The following PRODH2 variants were observed in gnomAD, a reference collection of about 807,000 sequenced individuals.
The protein encoded by PRODH2 is proline dehydrogenase 2.
PRODH2 carries 49 observed loss-of-function variants against 51.9 expected under a neutral mutation model. That is an observed-to-expected ratio of 0.94 (90% CI 0.75 to 1.20). The LOEUF is 1.20. Among genes scored for constraint, PRODH2 ranks in the 50% most tolerant of loss-of-function variants. The pLI is 0.00. For synonymous variants in PRODH2, 249 were observed against 260.7 expected (o/e 0.96, Z 0.43); for missense variants, 597 against 610.9 (o/e 0.98, Z 0.24).
intron 4 of PRODH2, among the ~76,000 whole-genome samples, chr19:35,807,590 A>C (rs1329193770): frequency 6.6e-6 from 1 of 151,852 alleles, no homozygotes; most frequent in Middle Eastern, 3.2e-3. Flanking sequence ...GGTGTGAGCC[A>C]CCGTGCTCAG....
chr19:35,806,923 A>G lies in PRODH2; in HGVS notation c.679-93T>C. The G allele has an allele frequency of 1.9e-6, 3 of 1,545,386 alleles. No individual in the cohort carries two copies. In the Admixed American group the frequency reaches 5.9e-5, roughly 30 times the overall value. On this transcript the variant is annotated intron_variant, in intron 5 of 9. Coordinates refer to ENST00000653904, the MANE Select transcript of PRODH2 (RefSeq NM_021232.2). The stretch of plus-strand genomic sequence containing the variant: ...CAGGAGGGGTTACCTGTGCCACCCG[A>G]TGCAGGCGGCTGAGGGAGGCCCGGA...
In PRODH2 at chr19:35,803,034, T is replaced by TGGCGGGCCAC; in HGVS notation, c.1036_1045dup (p.His349ArgfsTer17). 1 of 1,573,336 alleles carries TGGCGGGCCAC rather than the reference T, an allele frequency of 6.4e-7. No homozygotes were observed. ...CACCATGAGGTGGCACATGGGGCCA[T>TGGCGGGCCAC]GGCGGGCCACGTGCGTCAGCATCAG... On this transcript the variant is annotated frameshift_variant, in exon 8 of 10. Transcript: ENST00000653904. LOFTEE classifies it high-confidence loss of function.
At chr19:35,802,456 TC>T in intron 8 of PRODH2, 180 bp from the exon 9 acceptor site, 1 of 643,832 alleles carries the variant, frequency 1.6e-6, no homozygotes. Context: ...CCCAGCCAGT[TC>T]CCTGGAGCCC....
At chr19:35,809,685 G>A (rs189772257) in intron 4 of PRODH2, among the ~76,000 whole-genome samples, 33 of 152,078 alleles carry the variant, frequency 2.2e-4, no homozygotes, top group Middle Eastern at 3.2e-3. Flanking sequence ...ATAAGGCCAG[G>A]TACAGTGGCT....
In PRODH2 at chr19:35,812,162, AC is replaced by A; in HGVS notation, c.481del (p.Val161Ter). 1 of 1,614,130 alleles carries A rather than the reference AC, an allele frequency of 6.2e-7. No homozygotes were observed. Among genetic ancestry groups the A allele is most frequent in the Non-Finnish European group, 8.5e-7 (1 of 1,180,018 alleles). On this transcript the variant is annotated frameshift_variant, in exon 3 of 10. Transcript: ENST00000653904. LOFTEE classifies it high-confidence loss of function. Reference protein sequence around the residue: ...LAEASLMQLKVTALTSTRLCK... With the variant: ...LAEASLMQLKXTALTSTRLCK... ...GAGCCGAGTACTGGTCAGCGCCGTC[AC>A]CTTCAGCTGCATGAGGCTGGCCTCA...
chr19:35,812,641 G>C lies in PRODH2; in HGVS notation c.165C>G (p.His55Gln), dbSNP rs145370717. The change falls in exon 1 of 10, where the codon CAC becomes CAG. Residue 55 changes from histidine to glutamine, a missense_variant. Coordinates refer to ENST00000653904, the MANE Select transcript of PRODH2 (RefSeq NM_021232.2). ...CAGGATCACTGCTCACCAACAGCCC[G>C]TGAGTGACGAGTGGGGGCCAGGCAC... ...RLCAWPPLVT[H>Q]GLLLQAWSRR... 4 of 1,592,958 alleles carry C rather than the reference G, an allele frequency of 2.5e-6. No individual in the cohort carries two copies. The African/African-American group carries it at 5.4e-5, about 21-fold the overall frequency.
Position 35,812,194 on chromosome 19 carries a change from G to A in PRODH2, c.450C>T (p.Ser150=). 2.5e-6 allele frequency: 4 copies of A among 1,614,132 alleles called. No homozygotes were observed. The East Asian group carries it at 8.9e-5, about 36-fold the overall frequency. Reference sequence around the variant, plus strand: ...GCTGCATGAGGCTGGCCTCAGCCAGGCTGGGGGGCTCCAGGAGGCCCCGTG... The same window carrying A: ...GCTGCATGAGGCTGGCCTCAGCCAGACTGGGGGGCTCCAGGAGGCCCCGTG... ...DLSRGLLEPP[S]LAEASLMQLK... The change falls in exon 3 of 10, where the codon AGC becomes AGT. Residue 150 remains serine (S), a synonymous_variant. Transcript: ENST00000653904.
intron 8 of PRODH2, 136 bp from the exon 9 acceptor site, chr19:35,802,412 G>T: frequency 1.3e-6 from 1 of 784,460 alleles, no homozygotes; most frequent in Non-Finnish European, 2.2e-6. Flanking sequence ...ATAATAACCA[G>T]TCCTTTGCAT....
chr19:35,807,253 A>G, intron 4 of PRODH2, 132 bp from the exon 5 acceptor site: 1 of 835,402 alleles, frequency 1.2e-6, no homozygotes, highest in Non-Finnish European at 1.9e-6. Flanking sequence ...AGGCTTCACC[A>G]CCTACTGTGT....
rs28563032 is a variant in PRODH2, at chr19:35,812,034, C to A, written c.525G>T (p.Ser175=). The A allele has an allele frequency of 3.1e-6, 5 of 1,614,082 alleles. No homozygotes were observed. The highest frequency in any genetic ancestry group is 4.2e-6 in the Non-Finnish European group (5 of 1,180,046). ...AGGAGGCTCCTGGCCTTCTGACCCA[C>A]GAGGCTAGCTCCTTCTGAAATGGGG... ...TSTRLCKELA[S]WVRRPGASLE... The change falls in exon 4 of 10, where the codon TCG becomes TCT. Residue 175 remains serine, a synonymous_variant. Coordinates refer to ENST00000653904, the MANE Select transcript of PRODH2 (RefSeq NM_021232.2).
In PRODH2 at chr19:35,800,179, G is replaced by T; in HGVS notation, c.1242C>A (p.Ser414=). Residue 414 remains serine, a synonymous_variant, in exon 10 of 10, where the codon TCC becomes TCA. Coordinates refer to ENST00000653904, the MANE Select transcript of PRODH2 (RefSeq NM_021232.2). ...TCAGGTAGGGGATTACCTCCTCCAAGGAGCCATAGGGAATGGACTTATACA... is the reference window on the plus strand; with the variant it reads ...TCAGGTAGGGGATTACCTCCTCCAATGAGCCATAGGGAATGGACTTATACA... ...YVVYKSIPYG[S]LEEVIPYLIR... is the part of the protein sequence containing the mutation. 1 of 1,601,968 alleles carries T rather than the reference G, an allele frequency of 6.2e-7. No homozygotes were observed. The highest frequency in any genetic ancestry group is 2.3e-5 in the East Asian group (1 of 44,346).
At chr19:35,810,173 CAGG>C (rs1244310974) in intron 4 of PRODH2, among the ~76,000 whole-genome samples, 1 of 148,750 alleles carries the variant, frequency 6.7e-6, no homozygotes, top group African/African-American at 2.5e-5. Context: ...GAGGCTGAAG[CAGG>C]AGAACCCGGG....
intron 5 of PRODH2, 95 bp downstream of exon 5, chr19:35,806,946 G>A (rs112067704): frequency 0.06 from 92,129 of 1,537,368 alleles, 3,373 homozygotes; most frequent in South Asian, 0.12. Flanking sequence ...AGGGAGGCCC[G>A]GAGGTGCTGG....
intron 4 of PRODH2, among the ~76,000 whole-genome samples, chr19:35,811,608 T>A (rs1972612947): frequency 6.6e-6 from 1 of 151,870 alleles, no homozygotes; most frequent in African/African-American, 2.4e-5. Flanking sequence ...AAAAAGGAAT[T>A]AATGATTGAA....
At chr19:35,805,142 G>A (rs1480480705) in intron 7 of PRODH2, among the ~76,000 whole-genome samples, 11 of 151,964 alleles carry the variant, frequency 7.2e-5, no homozygotes, top group Non-Finnish European at 1.5e-4. Context: ...AAAATATTGT[G>A]GAATCAAAGA....
intron 5 of PRODH2, 32 bp from the exon 6 acceptor site, chr19:35,806,862 C>T (rs758476873): frequency 1.5e-5 from 24 of 1,566,158 alleles, no homozygotes; most frequent in East Asian, 9.6e-5. Context: ...GTCAGGGCCC[C>T]GGGTGTCCAG....
intron 7 of PRODH2, among the ~76,000 whole-genome samples, chr19:35,804,307 G>A (rs995903097): frequency 6.6e-6 from 1 of 152,018 alleles, no homozygotes; most frequent in Non-Finnish European, 1.5e-5. Context: ...CCCACCTTGG[G>A]CTCCCAAAGT....
chr19:35,806,855 A>G (rs2146784027), intron 5 of PRODH2, 25 bp from the exon 6 acceptor site: 3 of 1,572,222 alleles, frequency 1.9e-6, no homozygotes, highest in East Asian at 4.7e-5. Context: ...GACGACGGTC[A>G]GGGCCCCGGG....
chr19:35,811,922 A>C, intron 4 of PRODH2, 40 bp downstream of exon 4: 6 of 1,594,900 alleles, frequency 3.8e-6, no homozygotes, highest in Non-Finnish European at 5.2e-6. Context: ...ATCTAAGTCC[A>C]AGGCACTCTG....
Sources: gnomAD v4.1 joint callset for allele counts (sites outside exome capture counted in the v4.1 genomes callset) on GRCh38, gnomAD v4.1.1 for gene constraint, MANE v1.5 for transcripts, NCBI Gene and HGNC (gene_info 2026-07-23, HGNC 2026-07-21) for gene names.